The following TRAPPC9 variants were observed in gnomAD, a reference collection of about 807,000 sequenced individuals.
The protein encoded by TRAPPC9 is IKK2 binding protein.
A neutral mutation model predicts 124.0 loss-of-function variants in TRAPPC9; 83 were observed. The ratio of observed to expected loss-of-function variants is 0.67; its 90% CI spans 0.56 to 0.80. TRAPPC9 has a LOEUF of 0.80. Ranked by LOEUF, TRAPPC9 falls within the 30% of genes least tolerant of loss-of-function variation. The probability of loss-of-function intolerance (pLI) is 0.00; values close to 1 mark genes in which losing one functional copy is unlikely to be tolerated. For missense variants in TRAPPC9, 1,302 were observed against 1,508.3 expected (o/e 0.86, Z 2.27); for synonymous variants, 638 against 617.5 (o/e 1.03, Z -0.49).
At chr8:140,148,173 C>A (rs1308168605) in intron 17 of TRAPPC9, among the ~76,000 whole-genome samples, 1 of 152,158 alleles carries the variant, frequency 6.6e-6, no homozygotes, top group Non-Finnish European at 1.5e-5. Flanking sequence ...GGAGGGACAG[C>A]CCTCAGACAG....
chr8:139,893,449 T>C (rs946601298), intron 20 of TRAPPC9, among the ~76,000 whole-genome samples: 1 of 152,168 alleles, frequency 6.6e-6, no homozygotes, highest in Non-Finnish European at 1.5e-5. Flanking sequence ...TGCACAATGC[T>C]CTTTCGAGCG....
intron 17 of TRAPPC9, among the ~76,000 whole-genome samples, chr8:140,156,304 G>A (rs73362913): frequency 0.01 from 1,587 of 152,310 alleles, 25 homozygotes; most frequent in African/African-American, 0.036. Context: ...ACATTCACTA[G>A]TTATGTAACT....
chr8:140,313,132 T>C (rs1444915789), intron 9 of TRAPPC9, among the ~76,000 whole-genome samples: 1 of 152,176 alleles, frequency 6.6e-6, no homozygotes, highest in Non-Finnish European at 1.5e-5. Context: ...AACACAACAA[T>C]GTTAATCTGA....
At chr8:140,220,459 A>T (rs763118836) in intron 17 of TRAPPC9, among the ~76,000 whole-genome samples, 5 of 152,284 alleles carry the variant, frequency 3.3e-5, no homozygotes, top group Admixed American at 1.3e-4. Flanking sequence ...GCTCTCCAGG[A>T]ATGGGGCACT....
At chr8:140,438,466 G>A (rs1192658869) in intron 3 of TRAPPC9, among the ~76,000 whole-genome samples, 5 of 152,222 alleles carry the variant, frequency 3.3e-5, no homozygotes, top group Admixed American at 2.6e-4. Context: ...CATGGGGAAC[G>A]GCATCCAAAG....
rs77208582 is a variant in TRAPPC9, at chr8:139,728,885, T to C, written c.*2176A>G. On this transcript the variant is annotated 3_prime_UTR_variant, in exon 23 of 23. Coordinates refer to ENST00000438773, the MANE Select transcript of TRAPPC9 (RefSeq NM_001160372.4). ...GGGTATTTTTTGCAGTTTGGGAAAC[T>C]AAAAAATATAGAAAACTGCAAGAAA... is the stretch of plus-strand genomic sequence containing the variant. 3.5e-3 allele frequency among the ~76,000 whole-genome samples: 537 copies of C among 152,314 alleles called. 1 individual carries two copies. Among genetic ancestry groups the C allele is most frequent in the African/African-American group, 0.011 (472 of 41,574 alleles).
At chr8:140,275,147 C>A (rs537508189) in intron 15 of TRAPPC9, among the ~76,000 whole-genome samples, 71 of 152,280 alleles carry the variant, frequency 4.7e-4, no homozygotes, top group Non-Finnish European at 8.1e-4. Flanking sequence ...ATACTACCCC[C>A]CCTATTTATC....
Position 139,984,330 on chromosome 8 carries a change from G to A in TRAPPC9, c.2810+4396C>T, listed in dbSNP as rs929783183. Among the ~76,000 whole-genome samples, 15 of 152,184 alleles carry A rather than the reference G, an allele frequency of 9.9e-5. No homozygotes were observed. The highest frequency in any genetic ancestry group is 3.1e-4 in the African/African-American group (13 of 41,444). On this transcript the variant is annotated intron_variant, in intron 19 of 22. Transcript: ENST00000438773. The surrounding 1 kb of genome is among the most constrained non-coding windows in gnomAD (Gnocchi z 4.3). ...ACCACCTTCCGCTCCTGCTGGTAGCGATGAAGCTGGAGTCTCAGCCCCACT... is the reference window on the plus strand; with the variant it reads ...ACCACCTTCCGCTCCTGCTGGTAGCAATGAAGCTGGAGTCTCAGCCCCACT...
At chr8:140,078,418 G>A (rs1843627998) in intron 17 of TRAPPC9, among the ~76,000 whole-genome samples, 1 of 152,192 alleles carries the variant, frequency 6.6e-6, no homozygotes, top group Non-Finnish European at 1.5e-5. Context: ...CAGGCAGGGA[G>A]GGTGGAGTGG....
chr8:140,282,254 G>A (rs1243789363), intron 14 of TRAPPC9, among the ~76,000 whole-genome samples: 1 of 152,176 alleles, frequency 6.6e-6, no homozygotes, highest in African/African-American at 2.4e-5. Flanking sequence ...TATAATCCCA[G>A]CACTTTGGGA....
intron 10 of TRAPPC9, among the ~76,000 whole-genome samples, chr8:140,303,390 AGT>A (rs1288217372): frequency 6.6e-6 from 1 of 152,160 alleles, no homozygotes; most frequent in East Asian, 1.9e-4. Flanking sequence ...CAGGACTTAC[AGT>A]GTGTTAATAA....
chr8:140,150,717 G>A (rs1432019754), intron 17 of TRAPPC9, among the ~76,000 whole-genome samples: 1 of 152,186 alleles, frequency 6.6e-6, no homozygotes, highest in East Asian at 1.9e-4. Context: ...GGGGCCTGGG[G>A]AGAAGATGAA....
intron 2 of TRAPPC9, among the ~76,000 whole-genome samples, chr8:140,444,449 G>A (rs1014722021): frequency 3.3e-5 from 5 of 152,034 alleles, no homozygotes; most frequent in Admixed American, 1.3e-4. Flanking sequence ...GGACGGAGGC[G>A]GTGAAGGGCA....
intron 2 of TRAPPC9, among the ~76,000 whole-genome samples, chr8:140,439,998 A>C (rs768460430): frequency 6.6e-5 from 10 of 152,262 alleles, no homozygotes; most frequent in Non-Finnish European, 1.2e-4. Context: ...ACACATCTCA[A>C]TACAATGTTA....
chr8:140,238,930 T>G (rs1379336617), intron 16 of TRAPPC9, among the ~76,000 whole-genome samples: 2 of 152,106 alleles, frequency 1.3e-5, no homozygotes, highest in Non-Finnish European at 1.5e-5. Flanking sequence ...AACAAAAAGC[T>G]TCAGCTGGAA....
intron 17 of TRAPPC9, among the ~76,000 whole-genome samples, chr8:140,033,346 T>C (rs1840618892): frequency 1.3e-5 from 2 of 152,206 alleles, no homozygotes; most frequent in African/African-American, 4.8e-5. Flanking sequence ...CTACAAACGA[T>C]GGTGGAACAA....
chr8:139,866,396 C>G (rs559413672), intron 21 of TRAPPC9, among the ~76,000 whole-genome samples: 8 of 152,130 alleles, frequency 5.3e-5, no homozygotes, highest in Non-Finnish European at 1.2e-4. Flanking sequence ...TGTGAGATAC[C>G]AGAGCCCATC....
intron 15 of TRAPPC9, among the ~76,000 whole-genome samples, chr8:140,253,910 GA>G (rs1563885428): frequency 1.3e-5 from 2 of 152,124 alleles, no homozygotes; most frequent in East Asian, 1.9e-4. Context: ...GTAAAATGGG[GA>G]TAACAATTAC....
At position 139,742,988 on chromosome 8, in the gene TRAPPC9, G is replaced by A. The variant is rs1818660419; in HGVS notation, c.3056-10786C>T. ...GCCGTGCATGTGTCCAGGGTTGCAG[G>A]CCCAATGCACAAGCCATGTCTGCCT... On this transcript the variant is annotated intron_variant, in intron 21 of 22. Transcript: ENST00000438773. This position sits in a 1 kb window ranked among gnomAD's most constrained non-coding sequence, Gnocchi z 4.7. Among the ~76,000 whole-genome samples, 2 of 152,144 alleles carry A rather than the reference G, an allele frequency of 1.3e-5. No individual in the cohort carries two copies. The highest frequency in any genetic ancestry group is 2.1e-4 in the South Asian group (1 of 4,820).
Sources: gnomAD v4.1 joint callset for allele counts (sites outside exome capture counted in the v4.1 genomes callset) on GRCh38, gnomAD v4.1.1 for gene constraint, Gnocchi (gnomAD v3.1) non-coding constraint, MANE v1.5 for transcripts, NCBI Gene and HGNC (gene_info 2026-07-23, HGNC 2026-07-21) for gene names.